Variants in ABR observed in about 807,000 individuals in gnomAD.
The protein encoded by ABR is ABR activator of RhoGEF and GTPase.
Under a neutral mutation model 107.2 loss-of-function variants are expected in ABR, and 35 were observed. That is an observed-to-expected ratio of 0.33 (90% CI 0.25 to 0.43). ABR has a LOEUF of 0.43. ABR is among the 20% of genes least tolerant of loss of function. The pLI, the probability that ABR is intolerant of heterozygous loss-of-function variation, is 1.00. For synonymous variants in ABR, 498 were observed against 462.0 expected (o/e 1.08, Z -1.00); for missense variants, 815 against 1,115.2 (o/e 0.73, Z 3.83).
intron 2 of ABR, 139 bp from the exon 3 acceptor site, chr17:1,100,874 A>T: frequency 5.2e-6 from 4 of 772,068 alleles, no homozygotes; most frequent in Non-Finnish European, 6.4e-6. Flanking sequence ...CCTAGGCTGA[A>T]GTAAAGTGGC....
intron 16 of ABR, among the ~76,000 whole-genome samples, chr17:1,041,862 G>A (rs1212189420): frequency 6.6e-6 from 1 of 152,216 alleles, no homozygotes; most frequent in African/African-American, 2.4e-5. Flanking sequence ...CTGACCAGGG[G>A]AGGAAAGAGC....
chr17:1,077,936 G>A (rs962103884), intron 6 of ABR, among the ~76,000 whole-genome samples: 8 of 152,156 alleles, frequency 5.3e-5, no homozygotes, highest in African/African-American at 1.9e-4. Flanking sequence ...CTTGCCTCTT[G>A]AGGCAGGGTC....
intron 9 of ABR, among the ~76,000 whole-genome samples, chr17:1,067,553 T>C (rs976551621): frequency 6.6e-6 from 1 of 152,244 alleles, no homozygotes; most frequent in African/African-American, 2.4e-5. Flanking sequence ...CCTTCCTGGC[T>C]GGGCTCACAT....
At chr17:1,083,467 G>T in intron 5 of ABR, 53 bp downstream of exon 5, 1 of 1,373,616 alleles carries the variant, frequency 7.3e-7, no homozygotes, top group East Asian at 2.3e-5. Context: ...AGGGCTCTGA[G>T]CAGCCCCCAA....
rs538727329 is a variant in ABR at position 1,005,090 on chromosome 17, C to T, written c.*990G>A. 1.8e-5 allele frequency: 7 copies of T among 398,856 alleles called. No homozygotes were observed. In the Admixed American group the frequency reaches 2.2e-4, roughly 13 times the overall value. 24.7% of individuals were successfully genotyped at this position (398,856 alleles called of 1,614,324 possible). On this transcript the variant is annotated 3_prime_UTR_variant, in exon 23 of 23. Transcript: ENST00000302538. ...CCTCCCCGCGACCCGGGACACCCAGCGTGGCATGTGCATTCCTCCCCCGTT... is the reference window on the plus strand; with the variant it reads ...CCTCCCCGCGACCCGGGACACCCAGTGTGGCATGTGCATTCCTCCCCCGTT...
At chr17:1,132,208 C>G (rs565962168) in intron 1 of ABR, among the ~76,000 whole-genome samples, 1 of 151,530 alleles carries the variant, frequency 6.6e-6, no homozygotes, top group Non-Finnish European at 1.5e-5. Flanking sequence ...TGAACACACA[C>G]ACACACAAAG....
chr17:1,065,770 C>T (rs973454405), intron 10 of ABR, among the ~76,000 whole-genome samples: 1 of 127,374 alleles, frequency 7.9e-6, no homozygotes, highest in East Asian at 2.3e-4. Context: ...TTTTTTGAGA[C>T]AGTCTCACTC....
At chr17:1,229,457 G>A (rs2150779376) in exon 1 of ABR, among the ~76,000 whole-genome samples, 1 of 151,774 alleles carries the variant, frequency 6.6e-6, no homozygotes, top group Admixed American at 6.5e-5. Context: ...CGGCCTGCGG[G>A]AGCGAGGCTT....
At position 1,010,678 on chromosome 17, in the gene ABR, G is replaced by C; in HGVS notation, c.2236+51C>G. 6.3e-7 allele frequency: 1 copy of C among 1,597,402 alleles called. No individual in the cohort carries two copies. The highest frequency in any genetic ancestry group is 1.1e-5 in the South Asian group (1 of 90,480). On this transcript the variant is annotated intron_variant, in intron 20 of 22. Coordinates refer to ENST00000302538, the MANE Select transcript of ABR (RefSeq NM_021962.5). The surrounding 1 kb of genome is among the most constrained non-coding windows in gnomAD (Gnocchi z 4.1). ...TGCTGGTTACTTCTCCGGGCAGGGA[G>C]TCCTGGCTCAGTCTGGCCCAGCCCA...
At chr17:1,228,000 G>T (rs1173351941) in intron 1 of ABR, 3 of 152,282 alleles carry the variant, frequency 2.0e-5, no homozygotes, top group African/African-American at 7.2e-5. Flanking sequence ...TGCGAGGGGA[G>T]AGAGATGACA....
intron 2 of ABR, among the ~76,000 whole-genome samples, chr17:1,124,233 G>T (rs2039486740): frequency 6.6e-6 from 1 of 152,178 alleles, no homozygotes; most frequent in African/African-American, 2.4e-5. Flanking sequence ...GGCCTCAGCT[G>T]GGGTGGGGGG....
chr17:1,207,186 A>G (rs1319296007), intron 1 of ABR, among the ~76,000 whole-genome samples: 4 of 151,588 alleles, frequency 2.6e-5, no homozygotes, highest in Admixed American at 2.0e-4. Context: ...CAGGAGTTCA[A>G]GGGTGCCAGT....
At chr17:1,198,801 A>AT (rs1486029842) in intron 1 of ABR, among the ~76,000 whole-genome samples, 1 of 55,426 alleles carries the variant, frequency 1.8e-5, no homozygotes. Flanking sequence ...ACACCTGGCA[A>AT]ATTTTTTTTT....
chr17:1,046,616 C>T (rs922574564), intron 16 of ABR, among the ~76,000 whole-genome samples: 1 of 152,234 alleles, frequency 6.6e-6, no homozygotes, highest in East Asian at 1.9e-4. Flanking sequence ...ACAAAGGACG[C>T]TCACCTTATG....
intron 16 of ABR, among the ~76,000 whole-genome samples, chr17:1,030,409 G>A (rs150565876): frequency 6.6e-6 from 1 of 152,216 alleles, no homozygotes; most frequent in African/African-American, 2.4e-5. Flanking sequence ...GGGCTGGGGA[G>A]GGGATGAGTC....
intron 1 of ABR, among the ~76,000 whole-genome samples, chr17:1,175,229 T>C (rs535308928): frequency 3.3e-5 from 5 of 151,850 alleles, no homozygotes; most frequent in East Asian, 1.9e-4. Context: ...CTGGCCAACA[T>C]GGTGAAACCC....
chr17:1,015,285 C>T (rs779431729), intron 16 of ABR, among the ~76,000 whole-genome samples: 6 of 151,386 alleles, frequency 4.0e-5, no homozygotes, highest in Non-Finnish European at 5.9e-5. Flanking sequence ...GGTGTGGTGG[C>T]GGGCACTGTA....
chr17:1,083,295 T>G, intron 5 of ABR: 1 of 182,428 alleles, frequency 5.5e-6, no homozygotes, highest in Non-Finnish European at 1.1e-5. Context: ...TTGCCTCCCC[T>G]GTTCCTCTCT....
chr17:1,058,139 T>TTC, intron 11 of ABR, 94 bp from the exon 12 acceptor site: 1 of 463,002 alleles, frequency 2.2e-6, no homozygotes, highest in East Asian at 5.2e-5. Context: ...CTTTTATCTT[T>TTC]TTTTTTTTTT....
Sources: gnomAD v4.1 joint callset for allele counts (sites outside exome capture counted in the v4.1 genomes callset) on GRCh38, gnomAD v4.1.1 for gene constraint, Gnocchi (gnomAD v3.1) non-coding constraint, MANE v1.5 for transcripts, NCBI Gene and HGNC (gene_info 2026-07-23, HGNC 2026-07-21) for gene names.